The following CACNA2D3 variants were observed in gnomAD, a reference collection of about 807,000 sequenced individuals.
CACNA2D3 encodes voltage-dependent calcium channel subunit alpha-2/delta-3.
A neutral mutation model predicts 160.6 loss-of-function variants in CACNA2D3; 60 were observed. That is an observed-to-expected ratio of 0.37 (90% CI 0.30 to 0.46). The LOEUF (loss-of-function observed/expected upper bound fraction) is 0.46, where lower values mean the gene tolerates loss of function less well. CACNA2D3 is among the 20% of genes least tolerant of loss of function. The pLI, the probability that CACNA2D3 is intolerant of heterozygous loss-of-function variation, is 1.00. For synonymous variants in CACNA2D3, 558 were observed against 492.9 expected (o/e 1.13, Z -1.75); for missense variants, 1,205 against 1,365.0 (o/e 0.88, Z 1.85).
chr3:54,286,383 A>G (rs1703027270), intron 2 of CACNA2D3, among the ~76,000 whole-genome samples: 1 of 152,228 alleles, frequency 6.6e-6, no homozygotes, highest in South Asian at 2.1e-4. Flanking sequence ...TAGAGAAAAA[A>G]GAATAAAAAG....
chr3:54,764,157 A>T, intron 12 of CACNA2D3, 61 bp from the exon 13 acceptor site: 1 of 1,590,706 alleles, frequency 6.3e-7, no homozygotes, highest in Non-Finnish European at 8.6e-7. Context: ...GCATATGCAT[A>T]TTCCCAGTTG....
In CACNA2D3 at chr3:54,140,488, C is replaced by T. The variant is rs1699903078; in HGVS notation, c.204+16894C>T. ...CTCTCCATTGCTGCCAGGCATGCCACTCCCAAATTTCCTCTATCTGGGCCT... is the reference window on the plus strand; with the variant it reads ...CTCTCCATTGCTGCCAGGCATGCCATTCCCAAATTTCCTCTATCTGGGCCT... On this transcript the variant is annotated intron_variant, in intron 2 of 37. Coordinates refer to ENST00000474759, the MANE Select transcript of CACNA2D3 (RefSeq NM_018398.3). Among the ~76,000 whole-genome samples, 3 of 152,228 alleles carry T rather than the reference C, an allele frequency of 2.0e-5. No individual in the cohort carries two copies. The South Asian group carries it at 6.2e-4, about 32-fold the overall frequency.
At chr3:54,692,302 A>T (rs1031120241) in intron 11 of CACNA2D3, among the ~76,000 whole-genome samples, 1 of 152,168 alleles carries the variant, frequency 6.6e-6, no homozygotes, top group East Asian at 1.9e-4. Flanking sequence ...CTTTTGATCC[A>T]TCAGACTTGT....
At chr3:54,640,607 T>A (rs901695461) in intron 10 of CACNA2D3, among the ~76,000 whole-genome samples, 3 of 152,190 alleles carry the variant, frequency 2.0e-5, no homozygotes, top group African/African-American at 7.2e-5. Context: ...TACATACCAG[T>A]GAGCGCAATC....
At chr3:54,951,463 C>T (rs1352014096) in intron 27 of CACNA2D3, among the ~76,000 whole-genome samples, 1 of 152,104 alleles carries the variant, frequency 6.6e-6, no homozygotes, top group Non-Finnish European at 1.5e-5. Context: ...GTGTGCGGCC[C>T]GGGGGCAGTG....
intron 4 of CACNA2D3, among the ~76,000 whole-genome samples, chr3:54,430,308 C>G (rs189507030): frequency 6.6e-6 from 1 of 152,132 alleles, no homozygotes; most frequent in African/African-American, 2.4e-5. Context: ...AAAAACATTA[C>G]TGATATGTTC....
In CACNA2D3 at chr3:54,944,809, C is replaced by T. The variant is rs944334803; in HGVS notation, c.2450-23641C>T. Among the ~76,000 whole-genome samples the T allele has an allele frequency of 3.6e-4, 49 of 136,670 alleles. 1 individual carries two copies. Among genetic ancestry groups the T allele is most frequent in the African/African-American group, 1.5e-3 (48 of 31,144 alleles). 89.7% of individuals were successfully genotyped at this position (136,670 alleles called of 152,430 possible). A position where few individuals can be genotyped will look rare whatever the true frequency, so the allele number is the denominator to read the frequency against. Reference sequence around the variant, plus strand: ...CTGAATATATTGACTGTAGTTAGAGCTGGGGGTGTGTGTGTGTGTGTGTGT... The same window carrying T: ...CTGAATATATTGACTGTAGTTAGAGTTGGGGGTGTGTGTGTGTGTGTGTGT... On this transcript the variant is annotated intron_variant, in intron 27 of 37. Coordinates refer to ENST00000474759, the MANE Select transcript of CACNA2D3 (RefSeq NM_018398.3).
chr3:54,491,245 A>T (rs1485227361), intron 4 of CACNA2D3, among the ~76,000 whole-genome samples: 1 of 152,076 alleles, frequency 6.6e-6, no homozygotes, highest in East Asian at 1.9e-4. Context: ...CCTCTTAGGG[A>T]GTTTGCAGCC....
At chr3:54,268,666 C>T (rs981567051) in intron 2 of CACNA2D3, among the ~76,000 whole-genome samples, 4 of 152,112 alleles carry the variant, frequency 2.6e-5, no homozygotes, top group Admixed American at 2.6e-4. Flanking sequence ...CGCTTGGCCT[C>T]CCAAAGTGTT....
chr3:54,940,128 G>T (rs1187011337), intron 27 of CACNA2D3, among the ~76,000 whole-genome samples: 1 of 152,138 alleles, frequency 6.6e-6, no homozygotes, highest in East Asian at 1.9e-4. Context: ...CCACATTGGT[G>T]TCTAGTCTCA....
chr3:54,323,029 T>C (rs1448209556), intron 3 of CACNA2D3, among the ~76,000 whole-genome samples: 4 of 152,202 alleles, frequency 2.6e-5, no homozygotes, highest in Admixed American at 6.6e-5. Context: ...TCCAGTGTTA[T>C]ATGGATTTCC....
At chr3:54,832,272 AGT>A (rs950508088) in intron 14 of CACNA2D3, among the ~76,000 whole-genome samples, 5 of 152,142 alleles carry the variant, frequency 3.3e-5, no homozygotes, top group Non-Finnish European at 2.9e-5. Flanking sequence ...GCTCGCGCAG[AGT>A]GTGTGTGTGC....
At chr3:54,970,448 C>CT (rs1559450805) in intron 29 of CACNA2D3, among the ~76,000 whole-genome samples, 3 of 80,696 alleles carry the variant, frequency 3.7e-5, no homozygotes, top group South Asian at 5.0e-4. Context: ...CCCTCCCCTC[C>CT]CCTCCTCTCC....
At chr3:54,981,515 A>C (rs1575420390) in intron 29 of CACNA2D3, among the ~76,000 whole-genome samples, 1 of 152,140 alleles carries the variant, frequency 6.6e-6, no homozygotes, top group East Asian at 1.9e-4. Flanking sequence ...AGAAAGAAAG[A>C]GAGGAAAAAG....
intron 16 of CACNA2D3, among the ~76,000 whole-genome samples, chr3:54,844,262 A>G (rs1698884787): frequency 6.6e-6 from 1 of 152,114 alleles, no homozygotes; most frequent in African/African-American, 2.4e-5. Flanking sequence ...TGAGGGAGAA[A>G]ATCCTGTAAG....
chr3:54,240,183 G>T (rs897776674), intron 2 of CACNA2D3, among the ~76,000 whole-genome samples: 2 of 152,098 alleles, frequency 1.3e-5, no homozygotes, highest in East Asian at 3.9e-4. Context: ...CAGGAGAAAA[G>T]AATTCATTGG....
chr3:54,436,192 G>A (rs1164965873), intron 4 of CACNA2D3, among the ~76,000 whole-genome samples: 1 of 152,090 alleles, frequency 6.6e-6, no homozygotes, highest in African/African-American at 2.4e-5. Flanking sequence ...CATCATCACT[G>A]GTCATTAGAA....
chr3:54,195,493 T>C (rs1701061988), intron 2 of CACNA2D3, among the ~76,000 whole-genome samples: 1 of 151,162 alleles, frequency 6.6e-6, no homozygotes, highest in African/African-American at 2.4e-5. Flanking sequence ...GGTGTGGTGG[T>C]CAAAACTTTT....
intron 3 of CACNA2D3, among the ~76,000 whole-genome samples, chr3:54,346,082 A>G (rs1698453677): frequency 6.6e-6 from 1 of 152,156 alleles, no homozygotes. Flanking sequence ...GGAGGAGGAA[A>G]CCATATCCTG....
Sources: gnomAD v4.1 joint callset for allele counts (sites outside exome capture counted in the v4.1 genomes callset) on GRCh38, gnomAD v4.1.1 for gene constraint, MANE v1.5 for transcripts, NCBI Gene and HGNC (gene_info 2026-07-23, HGNC 2026-07-21) for gene names.